The following SYNE1 variants were observed in gnomAD, a reference collection of about 807,000 sequenced individuals.
The protein encoded by SYNE1 is nesprin-1.
Under a neutral mutation model 1,111.0 loss-of-function variants are expected in SYNE1, and 616 were observed. The ratio of observed to expected loss-of-function variants is 0.55; its 90% confidence interval spans 0.52 to 0.59. SYNE1 has a LOEUF of 0.59. Among genes scored for constraint, SYNE1 ranks in the 20% least tolerant of loss-of-function variants. The probability of loss-of-function intolerance (pLI) is 0.00; values close to 1 mark genes in which losing one functional copy is unlikely to be tolerated. For missense variants in SYNE1, 10,006 were observed against 10,417.0 expected (o/e 0.96, Z 1.72); for synonymous variants, 3,855 against 3,825.8 (o/e 1.01, Z -0.28).
chr6:152,257,953 A>G (rs570894085), intron 101 of SYNE1, among the ~76,000 whole-genome samples: 8 of 152,306 alleles, frequency 5.3e-5, no homozygotes, highest in African/African-American at 1.9e-4. Context: ...CAGAACACTC[A>G]ACATCAAACA....
intron 97 of SYNE1, among the ~76,000 whole-genome samples, chr6:152,280,217 A>T (rs1431746818): frequency 6.6e-6 from 1 of 152,226 alleles, no homozygotes; most frequent in Non-Finnish European, 1.5e-5. Context: ...GCTGGCTTAT[A>T]TGTAAGATTT....
chr6:152,491,524 A>G (rs528686061), intron 11 of SYNE1, among the ~76,000 whole-genome samples: 1 of 152,066 alleles, frequency 6.6e-6, no homozygotes, highest in South Asian at 2.1e-4. Flanking sequence ...GCCTGACCTA[A>G]AACCTTACTG....
At chr6:152,312,573 TTAAA>T (rs2095587743) in intron 87 of SYNE1, among the ~76,000 whole-genome samples, 1 of 148,554 alleles carries the variant, frequency 6.7e-6, no homozygotes, top group South Asian at 2.1e-4. Flanking sequence ...ATATAATCTG[TTAAA>T]TATATATTTA....
intron 129 of SYNE1, chr6:152,179,488 CA>C (rs1404479543): frequency 7.5e-6 from 1 of 133,298 alleles, no homozygotes; most frequent in East Asian, 2.2e-4. Flanking sequence ...AAAAAATACA[CA>C]AAAAACAAAA....
At chr6:152,365,044 T>C (rs771496131) in intron 62 of SYNE1, 25 bp from the exon 63 acceptor site, 22 of 1,613,150 alleles carry the variant, frequency 1.4e-5, no homozygotes, top group Non-Finnish European at 1.7e-5. Flanking sequence ...ACAGAAGTCC[T>C]TTGTCATTTG....
chr6:152,191,710 G>A (rs1047581903), intron 127 of SYNE1, among the ~76,000 whole-genome samples: 2 of 151,808 alleles, frequency 1.3e-5, no homozygotes, highest in African/African-American at 4.8e-5. Flanking sequence ...TTTTCATTTT[G>A]TTGATCTTTT....
rs1273943741 is a variant in SYNE1, at chr6:152,475,138, A to G, written c.1351-2725T>C. Among the ~76,000 whole-genome samples the G allele has an allele frequency of 2.0e-5, 3 of 152,214 alleles. No individual in the cohort carries two copies. The East Asian group carries it at 5.8e-4, about 29-fold the overall frequency. Reference sequence around the variant, plus strand: ...TAAGAACATGGATAGGTTAAAATTAATAAAATGGAACACATGTCAGGCAAA... The same window carrying G: ...TAAGAACATGGATAGGTTAAAATTAGTAAAATGGAACACATGTCAGGCAAA... On this transcript the variant is annotated intron_variant, in intron 14 of 145. Coordinates refer to ENST00000367255, the MANE Select transcript of SYNE1 (RefSeq NM_182961.4).
intron 3 of SYNE1, among the ~76,000 whole-genome samples, chr6:152,588,129 T>C (rs558797028): frequency 6.6e-6 from 1 of 152,238 alleles, no homozygotes; most frequent in African/African-American, 2.4e-5. Context: ...CTAGCTGACA[T>C]TCAAGTTCTT....
At chr6:152,254,477 T>C (rs2153617001) in intron 104 of SYNE1, among the ~76,000 whole-genome samples, 1 of 152,192 alleles carries the variant, frequency 6.6e-6, no homozygotes, top group African/African-American at 2.4e-5. Flanking sequence ...CTCAAACTCC[T>C]GACCTCAAAT....
At position 152,211,528 on chromosome 6, in the gene SYNE1, G is replaced by A. The variant is rs2077518178; in HGVS notation, c.22555C>T (p.Gln7519Ter). 1 of 1,613,594 alleles carries A rather than the reference G, an allele frequency of 6.2e-7. No individual in the cohort carries two copies. Among genetic ancestry groups the A allele is most frequent in the Non-Finnish European group, 8.5e-7 (1 of 1,179,808 alleles). ...QILHSIIIDG[Q>*]RLLEQGQVDD... ...ACTTGACCTTGTTCTAGAAGACGTTGCCCATCAATAATGATTGAGTGCAAA... is the reference window on the plus strand; with the variant it reads ...ACTTGACCTTGTTCTAGAAGACGTTACCCATCAATAATGATTGAGTGCAAA... The change falls in exon 124 of 146, where the codon CAA becomes TAA. Residue 7519 changes from glutamine to a stop codon, truncating the protein, a stop_gained. Coordinates refer to ENST00000367255, the MANE Select transcript of SYNE1 (RefSeq NM_182961.4). LOFTEE classifies it high-confidence loss of function.
intron 66 of SYNE1, among the ~76,000 whole-genome samples, chr6:152,356,515 AAT>A (rs1242222685): frequency 6.8e-6 from 1 of 147,934 alleles, no homozygotes; most frequent in Non-Finnish European, 1.5e-5. Context: ...ATAATATATT[AAT>A]ATATATTAAT....
At position 152,179,673 on chromosome 6, in the gene SYNE1, C is replaced by CTTTTTTTTTTTTTT. The variant is rs796260764; in HGVS notation, c.23460+449_23460+462dup. 2.0e-4 allele frequency among the ~76,000 whole-genome samples: 11 copies of CTTTTTTTTTTTTTT among 55,104 alleles called. 2 individuals carry two copies. The highest frequency in any genetic ancestry group is 7.0e-4 in the African/African-American group (9 of 12,812). The allele number at this position is 55,104 out of a possible 152,430, so 36.2% of individuals were successfully genotyped here. A position where few individuals can be genotyped will look rare whatever the true frequency, so the allele number is the denominator to read the frequency against. ...GCAAGTTTATTTTATGCTGGATATC[C>CTTTTTTTTTTTTTT]TTTTTTTTTTTTTTTTTTTTTTTTT... On this transcript the variant is annotated intron_variant, in intron 129 of 145. Transcript: ENST00000367255.
Position 152,469,604 on chromosome 6 carries a change from G to T in SYNE1, c.1632+1993C>A, listed in dbSNP as rs555792221. ...TATTAAATTGAACTGATATTTATGTGAATTACATTCTTTAGATCACTAAGA... is the reference window on the plus strand; with the variant it reads ...TATTAAATTGAACTGATATTTATGTTAATTACATTCTTTAGATCACTAAGA... On this transcript the variant is annotated intron_variant, in intron 16 of 145. Transcript: ENST00000367255. 2.6e-5 allele frequency among the ~76,000 whole-genome samples: 4 copies of T among 152,218 alleles called. No homozygotes were observed. In the South Asian group the frequency reaches 6.2e-4, roughly 24 times the overall value.
chr6:152,587,854 T>C (rs2099545679), intron 3 of SYNE1, among the ~76,000 whole-genome samples: 1 of 152,200 alleles, frequency 6.6e-6, no homozygotes, highest in Non-Finnish European at 1.5e-5. Context: ...AAAACCATTG[T>C]CCGGAAGAAA....
In SYNE1 at chr6:152,151,969, C is replaced by G; in HGVS notation, c.24302G>C (p.Arg8101Pro). 1 of 1,614,158 alleles carries G rather than the reference C, an allele frequency of 6.2e-7. No individual in the cohort carries two copies. The highest frequency in any genetic ancestry group is 8.5e-7 in the Non-Finnish European group (1 of 1,180,036). Residue 8101 changes from arginine to proline, a missense_variant, in exon 134 of 146, where the codon CGC becomes CCC. Around this residue, in one of 7 missense-constraint regions of SYNE1, gnomAD observed 2,182 missense variants for 2,287.8 expected, o/e 0.95. Coordinates refer to ENST00000367255, the MANE Select transcript of SYNE1 (RefSeq NM_182961.4). ...AGGCATAGCAAAAACCTTGAGTCTG[C>G]GCAAGATGGAGGTGACACGCTTTTG... ...NLQKRVTSIL[R>P]RLKHFIGQRE...
chr6:152,217,630 G>C (rs2079062747), intron 121 of SYNE1, among the ~76,000 whole-genome samples: 1 of 152,070 alleles, frequency 6.6e-6, no homozygotes, highest in Non-Finnish European at 1.5e-5. Context: ...CAGAGAGATA[G>C]GAGTAGATTG....
chr6:152,264,304 A>C (rs1325464310), intron 100 of SYNE1, among the ~76,000 whole-genome samples: 1 of 151,808 alleles, frequency 6.6e-6, no homozygotes, highest in African/African-American at 2.4e-5. Flanking sequence ...TTGAAGTCCT[A>C]ACTAAAACCG....
At chr6:152,613,154 C>T (rs2099636729) in intron 3 of SYNE1, among the ~76,000 whole-genome samples, 1 of 152,134 alleles carries the variant, frequency 6.6e-6, no homozygotes, top group South Asian at 2.1e-4. Context: ...CCAGGGCACT[C>T]ACTGAAGAGA....
At chr6:152,550,677 A>C (rs1211986773) in intron 3 of SYNE1, among the ~76,000 whole-genome samples, 3 of 152,024 alleles carry the variant, frequency 2.0e-5, no homozygotes, top group Non-Finnish European at 4.4e-5. Context: ...AATTGAGAAA[A>C]GACTATTTAT....
Sources: allele counts gnomAD v4.1 joint callset (sites outside exome capture counted in the v4.1 genomes callset), GRCh38; gene constraint gnomAD v4.1.1; regional missense constraint gnomAD v4.1.1; transcripts MANE v1.5; gene names NCBI Gene and HGNC (gene_info 2026-07-23, HGNC 2026-07-21).